RPS6KA2: variants seen among roughly 807,000 people sequenced by gnomAD.
RPS6KA2 encodes ribosomal protein S6 kinase alpha-2.
RPS6KA2 carries 42 observed loss-of-function variants against 91.8 expected under a neutral mutation model. The observed-to-expected ratio is 0.46, with a 90% CI of 0.36 to 0.59. The LOEUF (loss-of-function observed/expected upper bound fraction) is 0.59. Ranked by LOEUF, RPS6KA2 falls within the 20% of genes least tolerant of loss-of-function variation. The pLI, the probability that RPS6KA2 is intolerant of heterozygous loss-of-function variation, is 0.00. For missense variants in RPS6KA2, 798 were observed against 978.5 expected (o/e 0.82, Z 2.46); for synonymous variants, 414 against 393.6 (o/e 1.05, Z -0.61).
intron 2 of RPS6KA2, among the ~76,000 whole-genome samples, chr6:166,749,999 G>A (rs1266235101): frequency 6.6e-6 from 1 of 152,002 alleles, no homozygotes; most frequent in Admixed American, 6.5e-5. Flanking sequence ...AGCAGAGCTG[G>A]CATGTCCCTT....
chr6:166,799,448 T>C (rs896554971), intron 2 of RPS6KA2, among the ~76,000 whole-genome samples: 3 of 152,082 alleles, frequency 2.0e-5, no homozygotes, highest in African/African-American at 7.2e-5. Context: ...AATGTAAAGG[T>C]GATGAATAAA....
In RPS6KA2 at chr6:166,767,839, C is replaced by T. The variant is rs1441625986; in HGVS notation, c.123+90361G>A. Among the ~76,000 whole-genome samples, 2 of 151,086 alleles carry T rather than the reference C, an allele frequency of 1.3e-5. No individual in the cohort carries two copies. The highest frequency in any genetic ancestry group is 1.9e-4 in the East Asian group (1 of 5,158). ...CACCCTGGTGTCAGGCAGCCGGCCA[C>T]CACAGAGTGTGTGCGGGGATTGCTA... On this transcript the variant is annotated intron_variant, in intron 2 of 21. Coordinates refer to the RPS6KA2 transcript ENST00000503859. The surrounding 1 kb of genome is among the most constrained non-coding windows in gnomAD (Gnocchi z 4.6).
intron 2 of RPS6KA2, among the ~76,000 whole-genome samples, chr6:166,758,913 T>C (rs1221040692): frequency 6.6e-6 from 1 of 152,234 alleles, no homozygotes; most frequent in Non-Finnish European, 1.5e-5. Flanking sequence ...TGAAGTGCAA[T>C]CGTCCTTTCT....
At chr6:166,816,544 G>C (rs866475021) in intron 2 of RPS6KA2, among the ~76,000 whole-genome samples, 78 of 148,970 alleles carry the variant, frequency 5.2e-4, no homozygotes, top group African/African-American at 1.9e-3. Flanking sequence ...GACAGAGCAA[G>C]ACTCCATCTC....
At chr6:166,553,256 C>A (rs1477154296) in intron 1 of RPS6KA2, among the ~76,000 whole-genome samples, 1 of 152,138 alleles carries the variant, frequency 6.6e-6, no homozygotes, top group African/African-American at 2.4e-5. Flanking sequence ...GTAGCTGGGG[C>A]AACAGGTAAG....
At chr6:166,788,383 A>C (rs1011675550) in intron 2 of RPS6KA2, among the ~76,000 whole-genome samples, 2 of 152,228 alleles carry the variant, frequency 1.3e-5, no homozygotes, top group Non-Finnish European at 2.9e-5. Context: ...AGACACATGC[A>C]CACCTATGTT....
chr6:166,598,450 G>C (rs1174903464), intron 1 of RPS6KA2, among the ~76,000 whole-genome samples: 1 of 152,230 alleles, frequency 6.6e-6, no homozygotes, highest in East Asian at 1.9e-4. Flanking sequence ...CTACCAAGTA[G>C]ATAGGCAGGG....
At chr6:166,811,502 T>C (rs1779639227) in intron 2 of RPS6KA2, among the ~76,000 whole-genome samples, 1 of 152,216 alleles carries the variant, frequency 6.6e-6, no homozygotes, top group Non-Finnish European at 1.5e-5. Flanking sequence ...TGTGTGCCTG[T>C]AGTCCTAGCT....
intron 10 of RPS6KA2, among the ~76,000 whole-genome samples, chr6:166,476,175 A>G (rs980587864): frequency 2.0e-5 from 3 of 152,196 alleles, no homozygotes; most frequent in Admixed American, 6.5e-5. Context: ...GGCGGAGGTC[A>G]GGGTGTGGCA....
intron 1 of RPS6KA2, among the ~76,000 whole-genome samples, chr6:166,621,278 G>T (rs1284903360): frequency 1.3e-5 from 2 of 152,200 alleles, no homozygotes; most frequent in South Asian, 2.1e-4. Flanking sequence ...TAGGTGTATG[G>T]TTACGCACAT....
chr6:166,592,260 T>G (rs1406284092), intron 1 of RPS6KA2, among the ~76,000 whole-genome samples: 1 of 152,176 alleles, frequency 6.6e-6, no homozygotes, highest in Non-Finnish European at 1.5e-5. Context: ...AGTCCTGGCC[T>G]GCTGAGAGCT....
chr6:166,436,855 T>C (rs1036185217), intron 14 of RPS6KA2, among the ~76,000 whole-genome samples: 4 of 151,940 alleles, frequency 2.6e-5, no homozygotes, highest in Middle Eastern at 3.2e-3. Flanking sequence ...GTGGCGGGAA[T>C]AGGTTCTCAC....
At chr6:166,450,936 A>T (rs1779890907) in intron 13 of RPS6KA2, among the ~76,000 whole-genome samples, 167 bp downstream of exon 13, 1 of 152,312 alleles carries the variant, frequency 6.6e-6, no homozygotes, top group East Asian at 1.9e-4. Context: ...AGGGACCACC[A>T]TGGCAGACAC....
chr6:166,790,701 C>G (rs1478082571), intron 2 of RPS6KA2, among the ~76,000 whole-genome samples: 1 of 152,088 alleles, frequency 6.6e-6, no homozygotes, highest in African/African-American at 2.4e-5. Flanking sequence ...AGAGTGGGGG[C>G]CAATATTCAA....
intron 2 of RPS6KA2, among the ~76,000 whole-genome samples, chr6:166,685,061 G>A (rs1001737548): frequency 3.2e-4 from 48 of 152,338 alleles, no homozygotes; most frequent in African/African-American, 1.1e-3. Context: ...AGGGCCAACC[G>A]GCTTCCATGG....
In RPS6KA2 at chr6:166,577,898, G is replaced by C. The variant is rs548745373; in HGVS notation, c.100-39114C>G. The stretch of plus-strand genomic sequence containing the variant: ...CATAATTCCCTTGTGTTGGGAGAGG[G>C]ACCTGATGGGAGATAATTTGAATCA... On this transcript the variant is annotated intron_variant, in intron 1 of 20. Coordinates refer to ENST00000265678, the MANE Select transcript of RPS6KA2 (RefSeq NM_021135.6). Among the ~76,000 whole-genome samples the C allele has an allele frequency of 4.6e-5, 7 of 152,254 alleles. No individual in the cohort carries two copies. The South Asian group carries it at 1.0e-3, about 23-fold the overall frequency.
chr6:166,688,253 C>G lies in RPS6KA2; in HGVS notation c.124-149469G>C, dbSNP rs372405175. The stretch of plus-strand genomic sequence containing the variant: ...GGTCTCTGGGTGTCTCCCTGGCTCA[C>G]TAAAGCTCGTGTGTGGTGGATCTTT... On this transcript the variant is annotated intron_variant, in intron 2 of 21. Coordinates refer to the RPS6KA2 transcript ENST00000503859. Among the ~76,000 whole-genome samples the G allele has an allele frequency of 5.3e-5, 8 of 152,246 alleles. No homozygotes were observed. In the East Asian group the frequency reaches 1.2e-3, roughly 22 times the overall value.
chr6:166,811,973 T>A (rs183340167), intron 2 of RPS6KA2, among the ~76,000 whole-genome samples: 35 of 152,350 alleles, frequency 2.3e-4, no homozygotes, highest in African/African-American at 7.7e-4. Context: ...TGAACAATAG[T>A]TGCTGAGTGC....
chr6:166,685,873 G>A (rs1788995552), intron 2 of RPS6KA2, among the ~76,000 whole-genome samples: 1 of 152,144 alleles, frequency 6.6e-6, no homozygotes, highest in Non-Finnish European at 1.5e-5. Flanking sequence ...CTACATCACT[G>A]CTTTTAACTC....
Sources: gnomAD v4.1 joint callset for allele counts (sites outside exome capture counted in the v4.1 genomes callset) on GRCh38, gnomAD v4.1.1 for gene constraint, Gnocchi (gnomAD v3.1) non-coding constraint, MANE v1.5 for transcripts, NCBI Gene and HGNC (gene_info 2026-07-23, HGNC 2026-07-21) for gene names.